Variants in CERS6 observed in about 807,000 individuals in gnomAD.
CERS6 encodes LAG1 homolog, ceramide synthase 6.
In CERS6, 26 loss-of-function variants were observed where a neutral mutation model predicts 56.8. That is an observed-to-expected ratio of 0.46 (90% CI 0.34 to 0.63). The LOEUF (loss-of-function observed/expected upper bound fraction) is 0.63, where lower values mean the gene tolerates loss of function less well. Among genes scored for constraint, CERS6 ranks in the 30% least tolerant of loss-of-function variants. The pLI is 0.01. For missense variants in CERS6, 415 were observed against 467.5 expected, an observed-to-expected ratio of 0.89 and a Z score of 1.04; for synonymous variants, 164 against 173.3, an observed-to-expected ratio of 0.95 and a Z score of 0.42.
chr2:168,518,960 A>G (rs1022785910), intron 1 of CERS6, among the ~76,000 whole-genome samples: 4 of 151,940 alleles, frequency 2.6e-5, no homozygotes, highest in Admixed American at 6.5e-5. Context: ...GCAGTTCCCA[A>G]CCTGGCTGCA....
intron 3 of CERS6, among the ~76,000 whole-genome samples, chr2:168,592,278 G>A (rs1683690244): frequency 6.6e-6 from 1 of 152,098 alleles, no homozygotes; most frequent in African/African-American, 2.4e-5. Context: ...AGAAAATGGT[G>A]AATGGAAAGA....
At chr2:168,544,462 C>T (rs896986322) in intron 1 of CERS6, among the ~76,000 whole-genome samples, 6 of 152,122 alleles carry the variant, frequency 3.9e-5, no homozygotes, top group Non-Finnish European at 7.3e-5. Context: ...ATGTGGACTT[C>T]GTTAAGGCCT....
rs1004741486 is a variant in CERS6, at chr2:168,561,114, A to G, written c.277-78A>G. On this transcript the variant is annotated intron_variant, in intron 2 of 9. Transcript: ENST00000305747. ...CAATAGGGGGAAAAAAACCTCTCAGATATAGACAAGGGCAGATCTGTTTAT... is the reference window on the plus strand; with the variant it reads ...CAATAGGGGGAAAAAAACCTCTCAGGTATAGACAAGGGCAGATCTGTTTAT... 1.0e-5 allele frequency: 15 copies of G among 1,493,912 alleles called. 1 individual carries two copies. In the Admixed American group the frequency reaches 1.1e-4, roughly 11 times the overall value. 92.5% of individuals were successfully genotyped at this position (1,493,912 alleles called of 1,614,324 possible).
At chr2:168,666,599 T>C (rs1231562929) in intron 4 of CERS6, among the ~76,000 whole-genome samples, 3 of 152,220 alleles carry the variant, frequency 2.0e-5, no homozygotes, top group African/African-American at 7.2e-5. Context: ...GTATAAACAT[T>C]TATGTGAATG....
intron 1 of CERS6, among the ~76,000 whole-genome samples, chr2:168,480,320 G>T (rs1269690245): frequency 3.9e-5 from 6 of 152,188 alleles, no homozygotes; most frequent in Admixed American, 3.9e-4. Flanking sequence ...AGGAGAAATG[G>T]CAGAGTAAAT....
At chr2:168,620,760 CTT>C (rs112105394) in intron 3 of CERS6, among the ~76,000 whole-genome samples, 4,591 of 130,578 alleles carry the variant, frequency 0.035, 202 homozygotes, top group African/African-American at 0.11. Context: ...GGAAATTCAC[CTT>C]TTTTTTTTTT....
chr2:168,753,068 A>G (rs759470299), intron 8 of CERS6, among the ~76,000 whole-genome samples: 11 of 152,214 alleles, frequency 7.2e-5, no homozygotes, highest in Non-Finnish European at 1.5e-4. Context: ...TTTATGTTAG[A>G]GTTTAAGAAA....
intron 4 of CERS6, among the ~76,000 whole-genome samples, chr2:168,658,560 C>T (rs73026542): frequency 6.6e-6 from 1 of 152,184 alleles, no homozygotes; most frequent in African/African-American, 2.4e-5. Context: ...TCATCCCCAG[C>T]GTCAGGCGTG....
chr2:168,655,835 A>T (rs1337380089), intron 4 of CERS6, among the ~76,000 whole-genome samples: 1 of 152,174 alleles, frequency 6.6e-6, no homozygotes, highest in African/African-American at 2.4e-5. Flanking sequence ...TATATTAGGG[A>T]TTTTTGTTAA....
intron 8 of CERS6, among the ~76,000 whole-genome samples, chr2:168,755,796 A>G (rs1457056685): frequency 1.3e-5 from 2 of 152,144 alleles, no homozygotes; most frequent in Admixed American, 1.3e-4. Context: ...TCCCTCAGAG[A>G]TGAGTTCAGT....
chr2:168,725,953 G>A (rs1052497899), intron 8 of CERS6, among the ~76,000 whole-genome samples: 14 of 152,216 alleles, frequency 9.2e-5, no homozygotes, highest in African/African-American at 3.4e-4. Flanking sequence ...AATTTTCATT[G>A]ATCTGCATCT....
chr2:168,645,264 T>C (rs1685170767), intron 4 of CERS6, among the ~76,000 whole-genome samples: 1 of 145,558 alleles, frequency 6.9e-6, no homozygotes, highest in Non-Finnish European at 1.5e-5. Flanking sequence ...CCATCCCACC[T>C]TACCCAAGAA....
intron 1 of CERS6, among the ~76,000 whole-genome samples, chr2:168,512,597 A>G (rs1035460510): frequency 2.0e-5 from 3 of 151,594 alleles, no homozygotes; most frequent in Admixed American, 1.3e-4. Flanking sequence ...CTCATCTATC[A>G]TGGATGCAGT....
intron 3 of CERS6, among the ~76,000 whole-genome samples, chr2:168,571,951 G>A (rs1695995941): frequency 6.6e-6 from 1 of 152,154 alleles, no homozygotes; most frequent in Non-Finnish European, 1.5e-5. Context: ...TCCTAGCAGT[G>A]GACAAGGGAG....
intron 1 of CERS6, among the ~76,000 whole-genome samples, chr2:168,466,941 A>G (rs1693892148): frequency 6.6e-6 from 1 of 152,166 alleles, no homozygotes; most frequent in Admixed American, 6.5e-5. Flanking sequence ...TGTCTACATA[A>G]ATGTCACATC....
At chr2:168,723,715 C>T (rs936579702) in intron 8 of CERS6, among the ~76,000 whole-genome samples, 3 of 152,160 alleles carry the variant, frequency 2.0e-5, no homozygotes, top group African/African-American at 4.8e-5. Context: ...TCCAGGTACA[C>T]GTGATGGTAA....
At chr2:168,674,165 TGA>T (rs1208875931) in intron 4 of CERS6, among the ~76,000 whole-genome samples, 1 of 152,086 alleles carries the variant, frequency 6.6e-6, no homozygotes, top group Non-Finnish European at 1.5e-5. Context: ...AAGATGTTTT[TGA>T]GAGAGAGAGA....
intron 2 of CERS6, among the ~76,000 whole-genome samples, chr2:168,557,686 G>A (rs1345295018): frequency 6.6e-6 from 1 of 152,068 alleles, no homozygotes; most frequent in Non-Finnish European, 1.5e-5. Context: ...TTTATTAAAA[G>A]GAAACCTGGG....
intron 7 of CERS6, among the ~76,000 whole-genome samples, chr2:168,717,424 A>G (rs1687252093): frequency 6.6e-6 from 1 of 152,154 alleles, no homozygotes; most frequent in Non-Finnish European, 1.5e-5. Flanking sequence ...CATATATTCT[A>G]TATAAAGTTT....
Sources: allele counts gnomAD v4.1 joint callset (sites outside exome capture counted in the v4.1 genomes callset), GRCh38; gene constraint gnomAD v4.1.1; transcripts MANE v1.5; gene names NCBI Gene and HGNC (gene_info 2026-07-23, HGNC 2026-07-21).